The following NEO1 variants were observed in gnomAD, a reference collection of about 807,000 sequenced individuals.
NEO1 encodes neogenin.
A neutral mutation model predicts 159.7 loss-of-function variants in NEO1; 63 were observed. The ratio of observed to expected loss-of-function variants is 0.39; its 90% CI spans 0.32 to 0.49. NEO1 has a LOEUF of 0.49. Ranked by LOEUF, NEO1 falls within the 20% of genes least tolerant of loss-of-function variation. The probability of loss-of-function intolerance (pLI) is 0.85; values close to 1 mark genes in which losing one functional copy is unlikely to be tolerated. For synonymous variants in NEO1, 633 were observed against 662.0 expected, an observed-to-expected ratio of 0.96 and a Z score of 0.67; for missense variants, 1,615 against 1,831.0, an observed-to-expected ratio of 0.88 and a Z score of 2.15.
At chr15:73,279,473 C>T (rs558846438) in intron 22 of NEO1, among the ~76,000 whole-genome samples, 53 of 151,620 alleles carry the variant, frequency 3.5e-4, no homozygotes, top group Middle Eastern at 3.4e-3. Context: ...CTCAGCCTCT[C>T]GAGTAGCTGG....
At chr15:73,174,738 TAGATA>T (rs1246224667) in intron 5 of NEO1, among the ~76,000 whole-genome samples, 4 of 152,120 alleles carry the variant, frequency 2.6e-5, no homozygotes, top group Admixed American at 6.6e-5. Flanking sequence ...CTCTTATATA[TAGATA>T]AGAAAATTAT....
chr15:73,201,222 CTTAA>C (rs1190374883), intron 7 of NEO1, among the ~76,000 whole-genome samples: 1 of 151,058 alleles, frequency 6.6e-6, no homozygotes, highest in Non-Finnish European at 1.5e-5. Context: ...TTGCTTTAGG[CTTAA>C]TTTTCTCTTC....
intron 1 of NEO1, among the ~76,000 whole-genome samples, chr15:73,070,699 A>C (rs2068489092): frequency 6.6e-6 from 1 of 151,060 alleles, no homozygotes; most frequent in Admixed American, 6.6e-5. Context: ...AGTTTAATTT[A>C]TAAATTAGGT....
chr15:73,122,050 T>TGG (rs2071682324), intron 2 of NEO1, among the ~76,000 whole-genome samples: 1 of 53,010 alleles, frequency 1.9e-5, no homozygotes, highest in Non-Finnish European at 4.6e-5. Flanking sequence ...TATATAGGGG[T>TGG]GTGTGTGTGT....
intron 1 of NEO1, among the ~76,000 whole-genome samples, chr15:73,064,399 A>G (rs1309826984): frequency 6.6e-6 from 1 of 152,144 alleles, no homozygotes; most frequent in Admixed American, 6.5e-5. Context: ...TCTCATTCTC[A>G]TAGTTGAATT....
chr15:73,071,899 A>G (rs7180017), intron 1 of NEO1, among the ~76,000 whole-genome samples: 20,095 of 152,020 alleles, frequency 0.13, 2,056 homozygotes, highest in African/African-American at 0.28. Flanking sequence ...GTTTTTCCAT[A>G]GAAATGATCA....
At chr15:73,277,183 A>G (rs2680349) in intron 21 of NEO1, among the ~76,000 whole-genome samples, 148,907 of 152,330 alleles carry the variant, frequency 0.98, 72,864 homozygotes, top group East Asian at 1. Flanking sequence ...TGCTATATTA[A>G]CCTCATAGTT....
intron 1 of NEO1, among the ~76,000 whole-genome samples, chr15:73,072,853 G>C (rs942255617): frequency 6.6e-6 from 1 of 152,138 alleles, no homozygotes; most frequent in Admixed American, 6.5e-5. Context: ...AGATGATAAA[G>C]TAGAATTTGG....
At chr15:73,061,215 A>G (rs2067960313) in intron 1 of NEO1, among the ~76,000 whole-genome samples, 1 of 152,222 alleles carries the variant, frequency 6.6e-6, no homozygotes, top group African/African-American at 2.4e-5. Context: ...AGGTAGTGAC[A>G]GTTGCAAGGA....
intron 1 of NEO1, among the ~76,000 whole-genome samples, chr15:73,069,038 G>A (rs553181370): frequency 4.0e-5 from 6 of 149,300 alleles, no homozygotes; most frequent in Non-Finnish European, 8.9e-5. Context: ...CTGCAGCCTC[G>A]ACCTCTTGGG....
intron 28 of NEO1, among the ~76,000 whole-genome samples, chr15:73,301,805 C>A (rs767399571): frequency 7.2e-5 from 11 of 151,998 alleles, no homozygotes; most frequent in Non-Finnish European, 1.3e-4. Flanking sequence ...GTAGCTGGAA[C>A]TACAGGCACC....
intron 1 of NEO1, among the ~76,000 whole-genome samples, chr15:73,085,467 G>A (rs914956069): frequency 2.6e-5 from 4 of 152,092 alleles, no homozygotes; most frequent in Admixed American, 6.6e-5. Context: ...GCGTCAACAT[G>A]TTTTCATTTC....
At chr15:73,206,642 A>G (rs988578247) in intron 7 of NEO1, among the ~76,000 whole-genome samples, 1 of 151,824 alleles carries the variant, frequency 6.6e-6, no homozygotes, top group Non-Finnish European at 1.5e-5. Flanking sequence ...GTATTTTCTC[A>G]TGTCCTTTAC....
chr15:73,070,259 A>T (rs1341062677), intron 1 of NEO1, among the ~76,000 whole-genome samples: 2 of 152,222 alleles, frequency 1.3e-5, no homozygotes, highest in South Asian at 4.1e-4. Flanking sequence ...AAGTTGATAT[A>T]AAAAATACAC....
At chr15:73,179,300 G>A (rs966645212) in intron 7 of NEO1, among the ~76,000 whole-genome samples, 8 of 152,182 alleles carry the variant, frequency 5.3e-5, no homozygotes, top group Non-Finnish European at 1.0e-4. Flanking sequence ...GAGCCCTCAG[G>A]AAGAGGCCCC....
intron 1 of NEO1, among the ~76,000 whole-genome samples, chr15:73,113,044 T>G (rs947210788): frequency 1.3e-5 from 2 of 152,186 alleles, no homozygotes; most frequent in African/African-American, 4.8e-5. Context: ...GTTTGGGGGC[T>G]TTATAGCCTG....
chr15:73,107,234 A>G (rs1046584286), intron 1 of NEO1, among the ~76,000 whole-genome samples: 1 of 152,206 alleles, frequency 6.6e-6, no homozygotes, highest in African/African-American at 2.4e-5. Context: ...TTTGTAATAC[A>G]AATACATCTC....
intron 7 of NEO1, among the ~76,000 whole-genome samples, chr15:73,229,734 G>T (rs1030483858): frequency 6.6e-6 from 1 of 152,008 alleles, no homozygotes; most frequent in Non-Finnish European, 1.5e-5. Flanking sequence ...CTAGTTTGTT[G>T]AGAGTTTTTA....
chr15:73,126,023 C>T (rs1447653563), intron 3 of NEO1, among the ~76,000 whole-genome samples: 1 of 152,174 alleles, frequency 6.6e-6, no homozygotes, highest in Non-Finnish European at 1.5e-5. Flanking sequence ...TTGACAAGTA[C>T]GTACCCTGAA....
Sources: gnomAD v4.1 joint callset for allele counts (sites outside exome capture counted in the v4.1 genomes callset) on GRCh38, gnomAD v4.1.1 for gene constraint, MANE v1.5 for transcripts, NCBI Gene and HGNC (gene_info 2026-07-23, HGNC 2026-07-21) for gene names.